The following GALNT7 variants were observed in gnomAD, a reference collection of about 807,000 sequenced individuals.
GALNT7 encodes N-acetylgalactosaminyltransferase 7.
GALNT7 carries 60 observed loss-of-function variants against 82.1 expected under a neutral mutation model. That is an observed-to-expected ratio of 0.73 (90% confidence interval 0.59 to 0.91). GALNT7 has a LOEUF of 0.91. Among genes scored for constraint, GALNT7 ranks in the 40% least tolerant of loss-of-function variants. GALNT7 has a pLI of 0.00. For missense variants in GALNT7, 660 were observed against 804.2 expected, an observed-to-expected ratio of 0.82 and a Z score of 2.17; for synonymous variants, 243 against 275.1, an observed-to-expected ratio of 0.88 and a Z score of 1.15.
chr4:173,189,059 A>G (rs1732542540), intron 1 of GALNT7, among the ~76,000 whole-genome samples: 1 of 152,222 alleles, frequency 6.6e-6, no homozygotes, highest in Non-Finnish European at 1.5e-5. Flanking sequence ...TGAGACCTGC[A>G]GTTCATTCTC....
At chr4:173,275,051 T>A (rs1735851912) in intron 2 of GALNT7, among the ~76,000 whole-genome samples, 1 of 152,214 alleles carries the variant, frequency 6.6e-6, no homozygotes, top group Admixed American at 6.5e-5. Context: ...AACTGTCAGC[T>A]GTGAAGTTCT....
chr4:173,298,750 G>A (rs1736812142), intron 6 of GALNT7, among the ~76,000 whole-genome samples: 1 of 152,162 alleles, frequency 6.6e-6, no homozygotes, highest in South Asian at 2.1e-4. Flanking sequence ...ACTAGCAAGA[G>A]ATTTCTGGGT....
At chr4:173,248,873 A>T (rs774497514) in intron 2 of GALNT7, among the ~76,000 whole-genome samples, 6 of 152,212 alleles carry the variant, frequency 3.9e-5, no homozygotes, top group Non-Finnish European at 8.8e-5. Context: ...GTGGAACAAT[A>T]GCAAACAGTA....
At chr4:173,276,955 A>G (rs1735933440) in intron 2 of GALNT7, among the ~76,000 whole-genome samples, 1 of 152,172 alleles carries the variant, frequency 6.6e-6, no homozygotes, top group African/African-American at 2.4e-5. Flanking sequence ...CTCTGTCTCT[A>G]GCTTACCTTC....
intron 3 of GALNT7, among the ~76,000 whole-genome samples, chr4:173,293,469 G>A (rs888785044): frequency 3.3e-5 from 5 of 152,094 alleles, no homozygotes; most frequent in Non-Finnish European, 5.9e-5. Context: ...ATACTGTTTG[G>A]TTAATCAGAC....
At chr4:173,218,854 C>A (rs1312002179) in intron 1 of GALNT7, among the ~76,000 whole-genome samples, 1 of 152,276 alleles carries the variant, frequency 6.6e-6, no homozygotes, top group East Asian at 1.9e-4. Context: ...CCTGCTGGTT[C>A]TGGGTTTCCT....
At chr4:173,175,792 G>A (rs1732019861) in intron 1 of GALNT7, among the ~76,000 whole-genome samples, 1 of 152,182 alleles carries the variant, frequency 6.6e-6, no homozygotes, top group Non-Finnish European at 1.5e-5. Context: ...GAGAATGGGA[G>A]GCTGGTGCGG....
intron 2 of GALNT7, among the ~76,000 whole-genome samples, chr4:173,254,920 C>T (rs928493446): frequency 6.6e-6 from 1 of 152,120 alleles, no homozygotes; most frequent in African/African-American, 2.4e-5. Flanking sequence ...AAAATAAGTC[C>T]TTGTGTTCTG....
intron 1 of GALNT7, among the ~76,000 whole-genome samples, chr4:173,233,425 TTC>T (rs767355780): frequency 5.3e-5 from 8 of 152,230 alleles, no homozygotes; most frequent in Non-Finnish European, 1.0e-4. Context: ...ATAAGAACCT[TTC>T]TGACTCAGAT....
At chr4:173,211,216 TGCATGTTCAG>T (rs1186232109) in intron 1 of GALNT7, among the ~76,000 whole-genome samples, 2 of 152,220 alleles carry the variant, frequency 1.3e-5, no homozygotes, top group African/African-American at 4.8e-5. Flanking sequence ...TATCTAGGGA[TGCATGTTCAG>T]AATCACCTGG....
intron 1 of GALNT7, among the ~76,000 whole-genome samples, chr4:173,221,137 A>G (rs1309798497): frequency 6.6e-6 from 1 of 151,490 alleles, no homozygotes; most frequent in Non-Finnish European, 1.5e-5. Flanking sequence ...AAGTGTTCCT[A>G]TTTCTCCACA....
intron 1 of GALNT7, among the ~76,000 whole-genome samples, chr4:173,173,968 T>G (rs1392117220): frequency 1.3e-5 from 2 of 152,214 alleles, no homozygotes; most frequent in Admixed American, 1.3e-4. Context: ...AGTTGTAACC[T>G]GAAAAATTCT....
chr4:173,270,989 G>A (rs376837919), intron 2 of GALNT7, among the ~76,000 whole-genome samples: 85 of 152,326 alleles, frequency 5.6e-4, no homozygotes, highest in African/African-American at 1.9e-3. Context: ...TGGCAGCAAC[G>A]AAGCACAAAG....
At chr4:173,214,325 T>A (rs557241543) in intron 1 of GALNT7, among the ~76,000 whole-genome samples, 1 of 151,244 alleles carries the variant, frequency 6.6e-6, no homozygotes, top group Non-Finnish European at 1.5e-5. Context: ...CACATTGTGG[T>A]AAGTATTTCA....
chr4:173,231,750 C>T (rs568294461), intron 1 of GALNT7, among the ~76,000 whole-genome samples: 125 of 152,246 alleles, frequency 8.2e-4, no homozygotes, highest in African/African-American at 2.9e-3. Context: ...GGCCAGGAAA[C>T]ATGTTTCCTG....
At chr4:173,252,954 C>T (rs1297639056) in intron 2 of GALNT7, among the ~76,000 whole-genome samples, 3 of 152,218 alleles carry the variant, frequency 2.0e-5, no homozygotes, top group East Asian at 3.9e-4. Flanking sequence ...AATCCCAGCA[C>T]TTTCAGAGGC....
At chr4:173,251,005 T>C (rs1178849338) in intron 2 of GALNT7, among the ~76,000 whole-genome samples, 1 of 152,258 alleles carries the variant, frequency 6.6e-6, no homozygotes, top group East Asian at 1.9e-4. Flanking sequence ...TTCTTCATGG[T>C]ATCTATCAAA....
At chr4:173,311,641 T>C (rs1464802345) in intron 8 of GALNT7, among the ~76,000 whole-genome samples, 1 of 152,074 alleles carries the variant, frequency 6.6e-6, no homozygotes, top group Non-Finnish European at 1.5e-5. Context: ...AGTGTGGGCA[T>C]GGGGGTGGGG....
intron 1 of GALNT7, among the ~76,000 whole-genome samples, chr4:173,211,079 G>A (rs1231439248): frequency 3.3e-5 from 5 of 151,552 alleles, no homozygotes; most frequent in African/African-American, 1.2e-4. Flanking sequence ...TATACTTCCA[G>A]TACATCTCAA....
Sources: gnomAD v4.1 joint callset for allele counts (sites outside exome capture counted in the v4.1 genomes callset) on GRCh38, gnomAD v4.1.1 for gene constraint, MANE v1.5 for transcripts, NCBI Gene and HGNC (gene_info 2026-07-23, HGNC 2026-07-21) for gene names.